STAG1: variants seen among roughly 807,000 people sequenced by gnomAD.
STAG1 encodes STAG1 cohesin complex component.
In STAG1, 26 loss-of-function variants were observed where a neutral mutation model predicts 170.9. That is an observed-to-expected ratio of 0.15 (90% CI 0.11 to 0.21). STAG1 has a LOEUF of 0.21. Ranked by LOEUF, STAG1 falls within the 10% of genes least tolerant of loss-of-function variation. STAG1 has a pLI of 1.00. For missense variants in STAG1, 964 were observed against 1,509.5 expected, an observed-to-expected ratio of 0.64 and a Z score of 5.99; for synonymous variants, 514 against 497.7, an observed-to-expected ratio of 1.03 and a Z score of -0.44.
intron 5 of STAG1, among the ~76,000 whole-genome samples, chr3:136,551,401 A>G (rs1028548870): frequency 5.4e-5 from 8 of 147,662 alleles, no homozygotes; most frequent in Middle Eastern, 7.1e-3. Flanking sequence ...AGCTAGGACT[A>G]TAGGCAGGCA....
In STAG1 at chr3:136,512,989, C is replaced by T. The variant is rs550335629; in HGVS notation, c.676+8224G>A. On this transcript the variant is annotated intron_variant, in intron 7 of 33. Coordinates refer to ENST00000383202, the MANE Select transcript of STAG1 (RefSeq NM_005862.3). ...GGTTAGGACTGACAGCAGAAGAAAA[C>T]CTCAGAGAAATAATTAATACCATCA... 1.6e-4 allele frequency among the ~76,000 whole-genome samples: 25 copies of T among 152,222 alleles called. No homozygotes were observed. The South Asian group carries it at 4.8e-3, about 29-fold the overall frequency.
At chr3:136,530,839 C>T (rs1019571599) in intron 6 of STAG1, among the ~76,000 whole-genome samples, 5 of 152,160 alleles carry the variant, frequency 3.3e-5, no homozygotes, top group East Asian at 1.9e-4. Flanking sequence ...GGCACAGCAG[C>T]GCACACCTGT....
chr3:136,516,494 T>C (rs1351165051), intron 7 of STAG1, among the ~76,000 whole-genome samples: 22 of 151,786 alleles, frequency 1.4e-4, no homozygotes. Flanking sequence ...GGCAACAGAG[T>C]GAGAATCAGA....
chr3:136,434,600 T>G (rs1427799900), intron 15 of STAG1, among the ~76,000 whole-genome samples: 2 of 152,192 alleles, frequency 1.3e-5, no homozygotes, highest in Non-Finnish European at 2.9e-5. Context: ...TTTCTCCCAG[T>G]TTGTCATTTG....
At chr3:136,581,111 A>G (rs1576630236) in intron 4 of STAG1, among the ~76,000 whole-genome samples, 1 of 152,288 alleles carries the variant, frequency 6.6e-6, no homozygotes, top group Admixed American at 6.5e-5. Flanking sequence ...TCAGCCTCCC[A>G]AAGTGCTGGG....
At position 136,474,207 on chromosome 3, in the gene STAG1, T is replaced by A. The variant is rs146290806; in HGVS notation, c.1027-570A>T. Among the ~76,000 whole-genome samples the A allele has an allele frequency of 9.8e-4, 149 of 152,296 alleles. 1 individual carries two copies. Among genetic ancestry groups the A allele is most frequent in the African/African-American group, 3.5e-3 (146 of 41,572 alleles). ...AGTCATCAACTTGGCGTACAGGATG[T>A]TGATGATCAAAATGCATTCAGGATC... On this transcript the variant is annotated intron_variant, in intron 10 of 33. Coordinates refer to ENST00000383202, the MANE Select transcript of STAG1 (RefSeq NM_005862.3).
chr3:136,363,221 C>T (rs1936945077), intron 26 of STAG1, 145 bp downstream of exon 26: 3 of 441,864 alleles, frequency 6.8e-6, no homozygotes, highest in Non-Finnish European at 1.2e-5. Context: ...TGTCTTTGTA[C>T]CAGAAAATAT....
chr3:136,530,129 A>G (rs1053347538), intron 6 of STAG1, among the ~76,000 whole-genome samples: 4 of 152,248 alleles, frequency 2.6e-5, no homozygotes, highest in African/African-American at 9.6e-5. Context: ...AAAAACAGTC[A>G]TAAAGACAAA....
intron 15 of STAG1, among the ~76,000 whole-genome samples, chr3:136,435,736 C>T (rs2088440998): frequency 6.6e-6 from 1 of 151,980 alleles, no homozygotes; most frequent in African/African-American, 2.4e-5. Context: ...GTGAGGCTAT[C>T]TTGGCTCACT....
chr3:136,631,704 A>G (rs1048236934), intron 1 of STAG1, among the ~76,000 whole-genome samples: 1 of 152,176 alleles, frequency 6.6e-6, no homozygotes, highest in Non-Finnish European at 1.5e-5. Context: ...TTTGCTGTGA[A>G]CCTACAATGG....
rs943093562 is a variant in STAG1 at position 136,361,429 on chromosome 3, C to A, written c.2787+1937G>T. 3.0e-4 allele frequency among the ~76,000 whole-genome samples: 46 copies of A among 152,158 alleles called. No homozygotes were observed. The Middle Eastern group carries it at 0.01, about 34-fold the overall frequency. On this transcript the variant is annotated intron_variant, in intron 26 of 33. Coordinates refer to ENST00000383202, the MANE Select transcript of STAG1 (RefSeq NM_005862.3). ...ACACCTGTGCATATCCATGTAGATA[C>A]CTAGAAGCAAAATTACTGGCTTAAA...
chr3:136,724,436 A>G (rs1019736487), intron 1 of STAG1, among the ~76,000 whole-genome samples: 1 of 151,446 alleles, frequency 6.6e-6, no homozygotes, highest in African/African-American at 2.4e-5. Context: ...ACCACTCCCT[A>G]ATCTCAAGTA....
intron 1 of STAG1, among the ~76,000 whole-genome samples, chr3:136,634,406 G>A (rs1340910262): frequency 1.3e-5 from 2 of 151,228 alleles, no homozygotes; most frequent in African/African-American, 2.4e-5. Context: ...ATAATGGGGG[G>A]GTCCCCAATT....
chr3:136,702,172 TGG>T, intron 1 of STAG1, among the ~76,000 whole-genome samples: 1 of 24,658 alleles, frequency 4.1e-5, no homozygotes, highest in African/African-American at 1.8e-3. Context: ...AATGAGAATG[TGG>T]TGTGTGTGTA....
Position 136,464,982 on chromosome 3 carries a change from A to G in STAG1, c.1212T>C (p.Ser404=). 1.2e-6 allele frequency: 2 copies of G among 1,604,642 alleles called. No homozygotes were observed. The highest frequency in any genetic ancestry group is 1.7e-6 in the Non-Finnish European group (2 of 1,175,640). The change falls in exon 13 of 34, where the codon AGT becomes AGC. Residue 404 remains serine, a synonymous_variant. Transcript: ENST00000383202. The part of the protein sequence containing the change: ...IRLVTLILHG[S]EEALSNEDCE... The stretch of plus-strand genomic sequence containing the variant: ...AGTCTTCATTGGAAAGAGCTTCTTC[A>G]CTTCCACTGAAAAATACAGAAAGTA...
intron 12 of STAG1, among the ~76,000 whole-genome samples, chr3:136,471,441 G>C (rs899761474): frequency 1.3e-5 from 2 of 151,668 alleles, no homozygotes; most frequent in Non-Finnish European, 2.9e-5. Flanking sequence ...TGAAAAAAAA[G>C]ACAAAGAGGA....
At chr3:136,609,193 G>T in intron 3 of STAG1, 1 of 153,252 alleles carries the variant, frequency 6.5e-6, no homozygotes. Flanking sequence ...AGTACAAACA[G>T]GGCCAGGTAC....
At chr3:136,479,419 AT>A (rs2089864381) in intron 9 of STAG1, among the ~76,000 whole-genome samples, 1 of 114,288 alleles carries the variant, frequency 8.7e-6, no homozygotes, top group Non-Finnish European at 1.8e-5. Context: ...ATCACTTTTT[AT>A]GGCTGCATAG....
intron 14 of STAG1, among the ~76,000 whole-genome samples, chr3:136,450,962 T>C (rs939522443): frequency 1.1e-4 from 17 of 152,248 alleles, no homozygotes; most frequent in African/African-American, 3.6e-4. Context: ...TTAGCCAGGC[T>C]GGTCTTAAAC....
Sources: allele counts gnomAD v4.1 joint callset (sites outside exome capture counted in the v4.1 genomes callset), GRCh38; gene constraint gnomAD v4.1.1; transcripts MANE v1.5; gene names NCBI Gene and HGNC (gene_info 2026-07-23, HGNC 2026-07-21).